Variants in SEMA3A observed in about 807,000 individuals in gnomAD.
The protein encoded by SEMA3A is semaphorin-3A.
In SEMA3A, 29 loss-of-function variants were observed where a neutral mutation model predicts 97.9. That is an observed-to-expected ratio of 0.30 (90% confidence interval 0.22 to 0.40). The LOEUF (loss-of-function observed/expected upper bound fraction) is 0.40. Among genes scored for constraint, SEMA3A ranks in the 10% least tolerant of loss-of-function variants. The pLI is 1.00. For missense variants in SEMA3A, 763 were observed against 951.3 expected (o/e 0.80, Z 2.60); for synonymous variants, 321 against 323.7 (o/e 0.99, Z 0.09).
At chr7:84,192,860 AC>A in intron 1 of SEMA3A, among the ~76,000 whole-genome samples, 1 of 152,106 alleles carries the variant, frequency 6.6e-6, no homozygotes, top group East Asian at 1.9e-4. Flanking sequence ...ATCTTTGAGA[AC>A]TAAAGTTGCA....
At chr7:84,481,717 G>A (rs1312872035) in intron 1 of SEMA3A, among the ~76,000 whole-genome samples, 1 of 151,912 alleles carries the variant, frequency 6.6e-6, no homozygotes, top group Non-Finnish European at 1.5e-5. Flanking sequence ...AGTGTCTATA[G>A]CTTGACAGAA....
chr7:84,198,854 T>C (rs1490101033), upstream of SEMA3A, among the ~76,000 whole-genome samples: 1 of 152,124 alleles, frequency 6.6e-6, no homozygotes, highest in African/African-American at 2.4e-5. Context: ...TGTGCTTGAT[T>C]TTCTAGAGGA....
intron 1 of SEMA3A, among the ~76,000 whole-genome samples, chr7:84,397,897 T>A (rs992530953): frequency 1.1e-4 from 17 of 152,162 alleles, no homozygotes; most frequent in Non-Finnish European, 2.2e-4. Flanking sequence ...TGGGGTTTTA[T>A]GATAATTAAA....
chr7:84,228,622 T>A (rs1443644588), intron 3 of SEMA3A, among the ~76,000 whole-genome samples: 1 of 152,024 alleles, frequency 6.6e-6, no homozygotes, highest in Non-Finnish European at 1.5e-5. Flanking sequence ...AAAAAAAACA[T>A]CAATTGAGTC....
chr7:83,965,398 C>T (rs1788630729), intron 15 of SEMA3A, among the ~76,000 whole-genome samples: 1 of 151,304 alleles, frequency 6.6e-6, no homozygotes, highest in Non-Finnish European at 1.5e-5. Flanking sequence ...TATCAACAGC[C>T]ATGTCTCCTA....
At chr7:84,466,841 A>G (rs2116400435) in intron 1 of SEMA3A, among the ~76,000 whole-genome samples, 1 of 152,292 alleles carries the variant, frequency 6.6e-6, no homozygotes, top group South Asian at 2.1e-4. Flanking sequence ...GAGTTGATAG[A>G]GGTAGCACCA....
intron 2 of SEMA3A, among the ~76,000 whole-genome samples, chr7:84,338,463 T>G: frequency 1.3e-5 from 2 of 152,084 alleles, no homozygotes; most frequent in East Asian, 3.8e-4. Flanking sequence ...AGTTGATTAT[T>G]AAAATGGTAA....
At chr7:84,028,450 T>C (rs1041530404) in intron 6 of SEMA3A, among the ~76,000 whole-genome samples, 16 of 152,162 alleles carry the variant, frequency 1.1e-4, no homozygotes, top group Admixed American at 6.5e-4. Flanking sequence ...CACTTATCCA[T>C]AAACTGGAAC....
intron 3 of SEMA3A, among the ~76,000 whole-genome samples, chr7:84,117,656 T>A (rs997592588): frequency 6.6e-6 from 1 of 152,216 alleles, no homozygotes; most frequent in Non-Finnish European, 1.5e-5. Flanking sequence ...TAATATCTGA[T>A]GATCTTTGGT....
At chr7:84,135,673 G>T (rs1204475672) in intron 1 of SEMA3A, among the ~76,000 whole-genome samples, 1 of 152,108 alleles carries the variant, frequency 6.6e-6, no homozygotes, top group African/African-American at 2.4e-5. Flanking sequence ...TAGGAATGTG[G>T]GGGAAACATC....
At chr7:84,430,188 T>C (rs932269454) in intron 1 of SEMA3A, among the ~76,000 whole-genome samples, 5 of 151,976 alleles carry the variant, frequency 3.3e-5, no homozygotes, top group Non-Finnish European at 7.4e-5. Context: ...AATAATATTC[T>C]CTCAGTGTAC....
At chr7:84,338,990 A>G (rs1802098519) in intron 2 of SEMA3A, among the ~76,000 whole-genome samples, 1 of 152,262 alleles carries the variant, frequency 6.6e-6, no homozygotes, top group South Asian at 2.1e-4. Context: ...CTTTGTTTTT[A>G]TATGTTATAG....
chr7:84,188,652 T>C (rs1797954606), intron 1 of SEMA3A, among the ~76,000 whole-genome samples: 1 of 151,964 alleles, frequency 6.6e-6, no homozygotes, highest in African/African-American at 2.4e-5. Flanking sequence ...ATACTTAATA[T>C]ATACAGGCAC....
Position 84,067,603 on chromosome 7 carries a change from G to C in SEMA3A, c.454-7045C>G, listed in dbSNP as rs889059351. ...AAAAAACAAACAACCCCATCAAAAA[G>C]TTGGCGAAGGACATGAACAGACACT... On this transcript the variant is annotated intron_variant, in intron 4 of 16. Coordinates refer to ENST00000265362, the MANE Select transcript of SEMA3A (RefSeq NM_006080.3). Among the ~76,000 whole-genome samples the C allele has an allele frequency of 9.2e-5, 14 of 152,264 alleles. No homozygotes were observed. In the East Asian group the frequency reaches 9.6e-4, roughly 10 times the overall value.
intron 2 of SEMA3A, among the ~76,000 whole-genome samples, chr7:84,342,235 A>G (rs1443695960): frequency 6.6e-6 from 1 of 152,064 alleles, no homozygotes; most frequent in Non-Finnish European, 1.5e-5. Flanking sequence ...GGGTTTCTCC[A>G]TGTTGGTCAG....
chr7:84,049,698 TC>T (rs1303121907), intron 5 of SEMA3A, among the ~76,000 whole-genome samples: 4 of 152,014 alleles, frequency 2.6e-5, no homozygotes, highest in African/African-American at 4.8e-5. Flanking sequence ...ATATGTTGAT[TC>T]TTTTTTTTTT....
At chr7:84,281,194 TA>T (rs1186867706) in intron 3 of SEMA3A, among the ~76,000 whole-genome samples, 1 of 152,198 alleles carries the variant, frequency 6.6e-6, no homozygotes, top group Admixed American at 6.5e-5. Flanking sequence ...ATCTCTAGGA[TA>T]ACCCATTTCT....
chr7:84,211,456 CAA>C (rs71522696), intron 3 of SEMA3A, among the ~76,000 whole-genome samples: 5 of 125,758 alleles, frequency 4.0e-5, no homozygotes, highest in African/African-American at 5.8e-5. Context: ...ACTAAAAATA[CAA>C]AAAAAAAAAA....
intron 1 of SEMA3A, among the ~76,000 whole-genome samples, chr7:84,159,493 G>T (rs1796959028): frequency 6.6e-6 from 1 of 152,098 alleles, no homozygotes; most frequent in South Asian, 2.1e-4. Context: ...CATAAATCCT[G>T]TCAAATAGCT....
Sources: allele counts gnomAD v4.1 joint callset (sites outside exome capture counted in the v4.1 genomes callset), GRCh38; gene constraint gnomAD v4.1.1; transcripts MANE v1.5; gene names NCBI Gene and HGNC (gene_info 2026-07-23, HGNC 2026-07-21).